Variants in EGFR observed in about 807,000 individuals in gnomAD.
The protein encoded by EGFR is avian erythroblastic leukemia viral (v-erb-b) oncogene homolog.
In EGFR, 58 loss-of-function variants were observed where a neutral mutation model predicts 143.0. The ratio of observed to expected loss-of-function variants is 0.41; its 90% CI spans 0.33 to 0.50. The LOEUF (loss-of-function observed/expected upper bound fraction) is 0.50. Ranked by LOEUF, EGFR falls within the 20% of genes least tolerant of loss-of-function variation. EGFR has a pLI of 0.39. For synonymous variants in EGFR, 613 were observed against 594.4 expected (o/e 1.03, Z -0.45); for missense variants, 1,307 against 1,579.0 (o/e 0.83, Z 2.92).
Position 55,190,101 on chromosome 7 carries a change from T to C in EGFR, c.2470-1618T>C, listed in dbSNP as rs562315535. Among the ~76,000 whole-genome samples, 8 of 152,270 alleles carry C rather than the reference T, an allele frequency of 5.3e-5. No individual in the cohort carries two copies. In the East Asian group the frequency reaches 1.2e-3, roughly 22 times the overall value. ...CAGGGAGTCTGGGCCAGTCCTCTTT[T>C]GGGAAGCGCTTCCTCGGCTTCTGCC... On this transcript the variant is annotated intron_variant, in intron 20 of 27. Transcript: ENST00000275493.
chr7:55,091,307 A>G (rs1279244346), intron 1 of EGFR, among the ~76,000 whole-genome samples: 1 of 152,262 alleles, frequency 6.6e-6, no homozygotes, highest in African/African-American at 2.4e-5. Flanking sequence ...ATCTGTAATT[A>G]TCTACTATGG....
chr7:55,203,071 T>C (rs1787924435), intron 27 of EGFR: 1 of 286,510 alleles, frequency 3.5e-6, no homozygotes, highest in South Asian at 9.2e-5. Context: ...TTAAGCTTTA[T>C]CCAGATACTC....
At chr7:55,161,167 A>G (rs1470869467) in intron 12 of EGFR, among the ~76,000 whole-genome samples, 14 of 152,210 alleles carry the variant, frequency 9.2e-5, no homozygotes, top group Admixed American at 9.2e-4. Flanking sequence ...ATGGAGTCCC[A>G]TCTGGTTTAA....
chr7:55,119,012 C>G (rs1167391132), intron 1 of EGFR: 1 of 152,018 alleles, frequency 6.6e-6, no homozygotes, highest in Non-Finnish European at 1.5e-5. Context: ...AACAATGGAC[C>G]AAGTAAGCCT....
chr7:55,202,151 C>T (rs796774533), intron 26 of EGFR, among the ~76,000 whole-genome samples: 12 of 152,296 alleles, frequency 7.9e-5, no homozygotes, highest in African/African-American at 2.9e-4. Context: ...AAACCACTAG[C>T]CACATGTGGC....
In EGFR at chr7:55,172,992, C is replaced by CCCGT; in HGVS notation, c.1932_1935dup (p.Ile646ValfsTer67). On this transcript the variant is annotated frameshift_variant, in exon 17 of 28. Transcript: ENST00000275493. LOFTEE classifies it high-confidence loss of function. Reference sequence around the variant, plus strand: ...CTCCACCTCATTCCAGGCCTAAGATCCCGTCCATCGCCACTGGGATGGTGG... The same window carrying CCCGT: ...CTCCACCTCATTCCAGGCCTAAGATCCCGTCCGTCCATCGCCACTGGGATGGTGG... 1 of 1,614,214 alleles carries CCCGT rather than the reference C, an allele frequency of 6.2e-7. No homozygotes were observed. Among genetic ancestry groups the CCCGT allele is most frequent in the Non-Finnish European group, 8.5e-7 (1 of 1,180,044 alleles).
At chr7:55,078,805 C>CCACT (rs1351508279) in intron 1 of EGFR, among the ~76,000 whole-genome samples, 1 of 152,160 alleles carries the variant, frequency 6.6e-6, no homozygotes, top group East Asian at 1.9e-4. Flanking sequence ...CCCAGAGCGT[C>CCACT]CACTTTCTCC....
intron 1 of EGFR, among the ~76,000 whole-genome samples, chr7:55,046,869 G>A (rs1216556871): frequency 6.6e-6 from 1 of 152,188 alleles, no homozygotes; most frequent in African/African-American, 2.4e-5. Flanking sequence ...GCAGGGGAAA[G>A]CAGGGTACTT....
At chr7:55,051,089 C>T (rs1206301775) in intron 1 of EGFR, among the ~76,000 whole-genome samples, 1 of 152,138 alleles carries the variant, frequency 6.6e-6, no homozygotes, top group Non-Finnish European at 1.5e-5. Context: ...AAGTGAGTGC[C>T]TTTGGTGCTG....
intron 1 of EGFR, among the ~76,000 whole-genome samples, chr7:55,039,973 C>G (rs1353791564): frequency 1.3e-5 from 2 of 152,170 alleles, no homozygotes; most frequent in African/African-American, 4.8e-5. Context: ...TCATAGTTCT[C>G]TTACTGTTCT....
intron 19 of EGFR, chr7:55,180,966 T>C (rs1786835216): frequency 4.4e-6 from 2 of 456,150 alleles, no homozygotes; most frequent in Non-Finnish European, 8.1e-6. Context: ...ATAACAAAGA[T>C]ACTATCAGTT....
At chr7:55,096,129 AAG>A (rs1205521541) in intron 1 of EGFR, among the ~76,000 whole-genome samples, 1 of 152,230 alleles carries the variant, frequency 6.6e-6, no homozygotes, top group Non-Finnish European at 1.5e-5. Flanking sequence ...CTTTTTATAG[AAG>A]AGAAAGTGAA....
At chr7:55,078,747 G>A (rs1354648474) in intron 1 of EGFR, among the ~76,000 whole-genome samples, 1 of 152,204 alleles carries the variant, frequency 6.6e-6, no homozygotes, top group East Asian at 1.9e-4. Context: ...AGGACAGAGA[G>A]GGGACATCCT....
intron 1 of EGFR, among the ~76,000 whole-genome samples, chr7:55,070,835 C>T (rs1789780238): frequency 6.6e-6 from 1 of 152,220 alleles, no homozygotes; most frequent in African/African-American, 2.4e-5. Context: ...TTGTCTCCTT[C>T]CCCTATACCA....
intron 15 of EGFR, among the ~76,000 whole-genome samples, chr7:55,167,422 G>T (rs796545816): frequency 8.9e-6 from 1 of 112,766 alleles, no homozygotes; most frequent in Non-Finnish European, 1.8e-5. Flanking sequence ...GATGAGGGTG[G>T]TGATGGTGAT....
chr7:55,173,205 C>T (rs2128952895), intron 17 of EGFR, 81 bp downstream of exon 17: 1 of 1,574,714 alleles, frequency 6.4e-7, no homozygotes, highest in African/African-American at 1.3e-5. Flanking sequence ...GGGCCATTAG[C>T]AGTTGTGTAT....
At chr7:55,189,863 C>A (rs1787308461) in intron 20 of EGFR, among the ~76,000 whole-genome samples, 1 of 152,128 alleles carries the variant, frequency 6.6e-6, no homozygotes, top group Non-Finnish European at 1.5e-5. Flanking sequence ...TTCACACAGC[C>A]AAGAAGGTAG....
chr7:55,023,611 A>T (rs567039590), intron 1 of EGFR, among the ~76,000 whole-genome samples: 8 of 133,600 alleles, frequency 6.0e-5, no homozygotes, highest in African/African-American at 2.2e-4. Context: ...AGATCGCACC[A>T]TTGCACTCCA....
In EGFR at chr7:55,141,847, G is replaced by A. The variant is rs140350760; in HGVS notation, c.89-439G>A. Reference sequence around the variant, plus strand: ...TTAACTCAACCCTACAGTTATATTCGTGAAATACCTTGTGAAATTTATTTT... The same window carrying A: ...TTAACTCAACCCTACAGTTATATTCATGAAATACCTTGTGAAATTTATTTT... On this transcript the variant is annotated intron_variant, in intron 1 of 27. Transcript: ENST00000275493. Among the ~76,000 whole-genome samples the A allele has an allele frequency of 6.6e-5, 10 of 152,268 alleles. No homozygotes were observed. The East Asian group carries it at 1.3e-3, about 21-fold the overall frequency.
Sources: allele counts gnomAD v4.1 joint callset (sites outside exome capture counted in the v4.1 genomes callset), GRCh38; gene constraint gnomAD v4.1.1; transcripts MANE v1.5; gene names NCBI Gene and HGNC (gene_info 2026-07-23, HGNC 2026-07-21).